PTPRD: variants seen among roughly 807,000 people sequenced by gnomAD.
The protein encoded by PTPRD is protein tyrosine phosphatase receptor type D.
Under a neutral mutation model 214.5 loss-of-function variants are expected in PTPRD, and 34 were observed. The ratio of observed to expected loss-of-function variants is 0.16; its 90% CI spans 0.12 to 0.21. The LOEUF (loss-of-function observed/expected upper bound fraction) is 0.21, where lower values mean the gene tolerates loss of function less well. Among genes scored for constraint, PTPRD ranks in the 10% least tolerant of loss-of-function variants. The probability of loss-of-function intolerance (pLI) is 1.00; values close to 1 mark genes in which losing one functional copy is unlikely to be tolerated. For synonymous variants in PTPRD, 1,128 were observed against 845.7 expected (o/e 1.33, Z -5.79); for missense variants, 2,545 against 2,398.7 (o/e 1.06, Z -1.27).
intron 3 of PTPRD, among the ~76,000 whole-genome samples, chr9:10,248,407 G>C (rs184611243): frequency 6.6e-6 from 1 of 151,314 alleles, no homozygotes; most frequent in African/African-American, 2.4e-5. Flanking sequence ...AAGAAACTTA[G>C]GGAATGGGCG....
At chr9:9,001,410 G>A (rs893454694) in intron 11 of PTPRD, among the ~76,000 whole-genome samples, 1 of 151,978 alleles carries the variant, frequency 6.6e-6, no homozygotes, top group African/African-American at 2.4e-5. Flanking sequence ...GTAGGTTACA[G>A]AAATAGCCCT....
chr9:8,331,298 G>C (rs912421428), intron 44 of PTPRD, among the ~76,000 whole-genome samples: 3 of 152,104 alleles, frequency 2.0e-5, no homozygotes, highest in African/African-American at 7.2e-5. Context: ...ATTACTAGGG[G>C]AGGTACCAAC....
At chr9:9,907,548 G>C (rs1041398462) in intron 5 of PTPRD, among the ~76,000 whole-genome samples, 1 of 151,804 alleles carries the variant, frequency 6.6e-6, no homozygotes, top group Non-Finnish European at 1.5e-5. Context: ...TTCTTCTAAG[G>C]ATATCAGTCA....
At chr9:10,141,051 C>A (rs555306792) in intron 3 of PTPRD, among the ~76,000 whole-genome samples, 27 of 151,940 alleles carry the variant, frequency 1.8e-4, no homozygotes, top group Non-Finnish European at 2.8e-4. Flanking sequence ...ATTCAACAAC[C>A]CTTCATGCTA....
intron 11 of PTPRD, chr9:8,860,892 A>G (rs944137625): frequency 2.0e-5 from 3 of 152,218 alleles, no homozygotes; most frequent in Non-Finnish European, 4.4e-5. Context: ...CCAGCTATTC[A>G]TCATCACCTC....
chr9:10,343,118 C>G (rs1315062608), intron 2 of PTPRD, among the ~76,000 whole-genome samples: 1 of 151,994 alleles, frequency 6.6e-6, no homozygotes, highest in Non-Finnish European at 1.5e-5. Flanking sequence ...CTAATGCTAT[C>G]CCTCCCCCAG....
intron 4 of PTPRD, among the ~76,000 whole-genome samples, chr9:10,019,600 A>T (rs1213788588): frequency 6.6e-6 from 1 of 152,194 alleles, no homozygotes; most frequent in African/African-American, 2.4e-5. Context: ...TGCATTCATA[A>T]AAAAGGATGA....
In PTPRD at chr9:9,953,919, G is replaced by C. The variant is rs368719849; in HGVS notation, c.-471-15309C>G. 1.5e-3 allele frequency among the ~76,000 whole-genome samples: 233 copies of C among 152,192 alleles called. 8 individuals carry two copies. In the South Asian group the frequency reaches 0.047, roughly 31 times the overall value. On this transcript the variant is annotated intron_variant, in intron 4 of 45. Transcript: ENST00000381196. ...TTTGCAGTTGCTTTTTGTGTAAAGG[G>C]AGGATTTCTTTGCTGTGTTTTTTAA...
At chr9:8,623,661 A>G (rs2095892771) in intron 14 of PTPRD, among the ~76,000 whole-genome samples, 1 of 151,934 alleles carries the variant, frequency 6.6e-6, no homozygotes, top group Non-Finnish European at 1.5e-5. Context: ...TAACAGCTTT[A>G]CATGGATTAT....
chr9:9,794,205 A>G (rs908198797), intron 5 of PTPRD, among the ~76,000 whole-genome samples: 6 of 150,690 alleles, frequency 4.0e-5, no homozygotes, highest in African/African-American at 1.5e-4. Context: ...GTGTGTGTAT[A>G]TATATATATA....
chr9:10,509,870 CTATT>C (rs1407528431), intron 2 of PTPRD, among the ~76,000 whole-genome samples: 4 of 151,976 alleles, frequency 2.6e-5, no homozygotes, highest in East Asian at 3.9e-4. Flanking sequence ...ATTTATTCCT[CTATT>C]TATCTGTATA....
At chr9:9,510,714 C>T (rs186153453) in intron 8 of PTPRD, among the ~76,000 whole-genome samples, 4 of 151,178 alleles carry the variant, frequency 2.6e-5, no homozygotes, top group East Asian at 3.9e-4. Flanking sequence ...CCTATTTGGG[C>T]GGCCTCACCA....
intron 20 of PTPRD, 37 bp downstream of exon 20, chr9:8,521,240 G>A (rs2138842098): frequency 1.3e-6 from 2 of 1,580,828 alleles, no homozygotes; most frequent in Non-Finnish European, 1.7e-6. Flanking sequence ...TGGCTTGAGT[G>A]TACCCAGATC....
intron 7 of PTPRD, among the ~76,000 whole-genome samples, chr9:9,662,585 A>G (rs561629043): frequency 6.6e-6 from 1 of 151,814 alleles, no homozygotes; most frequent in East Asian, 1.9e-4. Flanking sequence ...GAATAGTATC[A>G]ACATGAAAAG....
intron 8 of PTPRD, among the ~76,000 whole-genome samples, chr9:9,489,006 T>C (rs577284785): frequency 2.4e-4 from 36 of 152,266 alleles, no homozygotes; most frequent in African/African-American, 8.4e-4. Context: ...CTCACTATTG[T>C]TATAAGGCCC....
At chr9:9,452,925 A>G (rs1048469385) in intron 8 of PTPRD, among the ~76,000 whole-genome samples, 1 of 151,536 alleles carries the variant, frequency 6.6e-6, no homozygotes, top group Non-Finnish European at 1.5e-5. Flanking sequence ...ATTAAAATAC[A>G]GTTTTAACAT....
rs755670388 is a variant in PTPRD, at chr9:8,486,295, A to G, written c.2522T>C (p.Ile841Thr). Residue 841 changes from isoleucine (I) to threonine (T), a missense_variant, in exon 28 of 46, where the codon ATT becomes ACT. Transcript: ENST00000381196. The stretch of plus-strand genomic sequence containing the variant: ...TGTGTCCACCGGAGGGTGCCACTGA[A>G]TAAGAGCAGTATTCATCTGAGTGTG... ...INHTQMNTAL[I>T]QWHPPVDTFG... 2 of 1,614,184 alleles carry G rather than the reference A, an allele frequency of 1.2e-6. No homozygotes were observed. Among genetic ancestry groups the G allele is most frequent in the South Asian group, 1.1e-5 (1 of 91,080 alleles).
At chr9:9,743,951 C>T (rs535975483) in intron 6 of PTPRD, among the ~76,000 whole-genome samples, 2 of 152,156 alleles carry the variant, frequency 1.3e-5, no homozygotes, top group South Asian at 2.1e-4. Flanking sequence ...ATTAAATAAC[C>T]TACACCTCCT....
At chr9:8,388,015 A>G (rs2087825835) in intron 37 of PTPRD, among the ~76,000 whole-genome samples, 1 of 152,192 alleles carries the variant, frequency 6.6e-6, no homozygotes, top group African/African-American at 2.4e-5. Flanking sequence ...CTTAATTCCC[A>G]TTTTAGACAA....
Sources: allele counts gnomAD v4.1 joint callset (sites outside exome capture counted in the v4.1 genomes callset), GRCh38; gene constraint gnomAD v4.1.1; transcripts MANE v1.5; gene names NCBI Gene and HGNC (gene_info 2026-07-23, HGNC 2026-07-21).